The following TLR6 variants were observed in gnomAD, a reference collection of about 807,000 sequenced individuals.
TLR6 encodes toll like receptor 6.
A neutral mutation model predicts 16.1 loss-of-function variants in TLR6; 9 were observed. The ratio of observed to expected loss-of-function variants is 0.56; its 90% CI spans 0.34 to 0.98. The LOEUF is 0.98. TLR6 is among the 50% of genes least tolerant of loss of function. TLR6 has a pLI of 0.02. For synonymous variants in TLR6, 340 were observed against 338.6 expected, an observed-to-expected ratio of 1.00 and a Z score of -0.04; for missense variants, 786 against 921.0, an observed-to-expected ratio of 0.85 and a Z score of 1.90.
intron 1 of TLR6, among the ~76,000 whole-genome samples, chr4:38,853,891 G>T (rs866008070): frequency 1.3e-5 from 2 of 152,000 alleles, no homozygotes; most frequent in Non-Finnish European, 2.9e-5. Context: ...AATAAAAATC[G>T]AATTGCATGA....
intron 1 of TLR6, among the ~76,000 whole-genome samples, chr4:38,856,018 G>C (rs1712970419): frequency 6.6e-6 from 1 of 152,090 alleles, no homozygotes; most frequent in South Asian, 2.1e-4. Context: ...AAAAAATTAA[G>C]TGAAATAAGT....
chr4:38,844,520 A>G (rs1712431763), intron 1 of TLR6, among the ~76,000 whole-genome samples: 2 of 151,498 alleles, frequency 1.3e-5, no homozygotes, highest in Non-Finnish European at 2.9e-5. Context: ...TCAAGTAGCA[A>G]AAAATAAAAA....
At chr4:38,857,774 T>A (rs1041915217), upstream of TLR6, among the ~76,000 whole-genome samples, 6 of 152,208 alleles carry the variant, frequency 3.9e-5, no homozygotes, top group African/African-American at 1.4e-4. Flanking sequence ...TTGTGATTCA[T>A]CCTTACTCAT....
intron 1 of TLR6, among the ~76,000 whole-genome samples, chr4:38,853,623 T>G (rs1284114711): frequency 6.6e-5 from 10 of 152,198 alleles, no homozygotes; most frequent in Non-Finnish European, 1.2e-4. Flanking sequence ...CTTAAACACT[T>G]TCTTTTTAAG....
chr4:38,829,474 G>A (rs1477470635), exon 2 of TLR6: 1 of 1,597,096 alleles, frequency 6.3e-7, no homozygotes, highest in Non-Finnish European at 8.6e-7. Flanking sequence ...CTTTGGTCAT[G>A]ATGTTGCAGT....
At chr4:38,847,997 C>T (rs544391311) in intron 1 of TLR6, among the ~76,000 whole-genome samples, 52 of 152,156 alleles carry the variant, frequency 3.4e-4, no homozygotes, top group Middle Eastern at 3.4e-3. Context: ...CAAGTGGGTC[C>T]CTGACCCCCA....
chr4:38,828,945 C>G, exon 2 of TLR6: 1 of 1,611,926 alleles, frequency 6.2e-7, no homozygotes, highest in Non-Finnish European at 8.5e-7. Flanking sequence ...TTTCTTAAAT[C>G]CAGAAGGATA....
At chr4:38,846,232 T>C (rs1227999123) in intron 1 of TLR6, among the ~76,000 whole-genome samples, 1 of 152,112 alleles carries the variant, frequency 6.6e-6, no homozygotes, top group Non-Finnish European at 1.5e-5. Flanking sequence ...AGAAGCATGA[T>C]ACTGCAGAAA....
the TLR6 span, chr4:38,867,868 T>A: frequency 2.9e-5 from 5 of 173,828 alleles, no homozygotes; most frequent in Admixed American, 3.2e-4. Flanking sequence ...CCCATCCCCT[T>A]CCCCGGGGGG....
chr4:38,849,009 T>G (rs964662805), intron 1 of TLR6, among the ~76,000 whole-genome samples: 5 of 151,884 alleles, frequency 3.3e-5, no homozygotes, highest in Non-Finnish European at 5.9e-5. Context: ...AAGGAAAAAA[T>G]GTTAAGGGCA....
chr4:38,837,405 A>C (rs1711984528), intron 1 of TLR6, among the ~76,000 whole-genome samples: 1 of 152,184 alleles, frequency 6.6e-6, no homozygotes, highest in Admixed American at 6.5e-5. Context: ...CAGAATACAG[A>C]ACCCAGAAAT....
At chr4:38,840,600 C>G (rs1049137003) in intron 1 of TLR6, among the ~76,000 whole-genome samples, 1 of 150,714 alleles carries the variant, frequency 6.6e-6, no homozygotes, top group African/African-American at 2.5e-5. Flanking sequence ...CGCCATTACA[C>G]TCCAGCCTGG....
chr4:38,827,275 G>A lies in TLR6; in HGVS notation c.2199C>T (p.Leu733=), dbSNP rs755461376. Residue 733 remains leucine (L), a synonymous_variant, in exon 2 of 2, where the codon CTC becomes CTT. Transcript: ENST00000436693. ...TCTGTGGAATGGGTTCCAGTAAGATGAGGATTAAGTTATTAGATCCTTCAT... is the reference window on the plus strand; with the variant it reads ...TCTGTGGAATGGGTTCCAGTAAGATAAGGATTAAGTTATTAGATCCTTCAT... The A allele has an allele frequency of 7.4e-6, 12 of 1,614,054 alleles. No homozygotes were observed. In the Admixed American group the frequency reaches 8.3e-5, roughly 11 times the overall value.
chr4:38,830,785 A>G (rs1711537622), intron 1 of TLR6, among the ~76,000 whole-genome samples: 1 of 152,218 alleles, frequency 6.6e-6, no homozygotes, highest in Non-Finnish European at 1.5e-5. Flanking sequence ...GAGTTACCTC[A>G]TTGTAGTGTT....
intron 1 of TLR6, among the ~76,000 whole-genome samples, chr4:38,841,828 C>T (rs1400152455): frequency 1.3e-5 from 2 of 152,170 alleles, no homozygotes; most frequent in African/African-American, 4.8e-5. Flanking sequence ...TTTACGCATG[C>T]AACTGTCCTT....
At chr4:38,829,453 A>G (rs1413694613) in exon 2 of TLR6, 2 of 1,612,058 alleles carry the variant, frequency 1.2e-6, no homozygotes, top group Non-Finnish European at 1.7e-6. Flanking sequence ...TTTTAACAAT[A>G]GGTTCTTTGT....
chr4:38,830,980 TA>T (rs1035592444), intron 1 of TLR6, among the ~76,000 whole-genome samples: 2 of 150,800 alleles, frequency 1.3e-5, no homozygotes, highest in African/African-American at 2.4e-5. Context: ...TTTATTTGTT[TA>T]AAAAAATTAG....
the TLR6 span, among the ~76,000 whole-genome samples, chr4:38,864,386 G>T: frequency 6.6e-6 from 1 of 152,198 alleles, no homozygotes; most frequent in Non-Finnish European, 1.5e-5. Flanking sequence ...GGGCGACTCA[G>T]CAATGTCTAG....
chr4:38,847,177 C>T (rs950090620), intron 1 of TLR6, among the ~76,000 whole-genome samples: 6 of 152,118 alleles, frequency 3.9e-5, no homozygotes, highest in African/African-American at 1.4e-4. Context: ...TTAAATACAA[C>T]TATAGGTATT....
Sources: allele counts gnomAD v4.1 joint callset (sites outside exome capture counted in the v4.1 genomes callset), GRCh38; gene constraint gnomAD v4.1.1; transcripts MANE v1.5; gene names NCBI Gene and HGNC (gene_info 2026-07-23, HGNC 2026-07-21).